Variants in RETREG1 observed in about 807,000 individuals in gnomAD.
The protein encoded by RETREG1 is reticulophagy regulator 1.
Under a neutral mutation model 54.8 loss-of-function variants are expected in RETREG1, and 44 were observed. The observed-to-expected ratio is 0.80, with a 90% CI of 0.63 to 1.03. RETREG1 has a LOEUF of 1.03. Among genes scored for constraint, RETREG1 ranks in the 50% least tolerant of loss-of-function variants. The pLI is 0.00. For synonymous variants in RETREG1, 217 were observed against 238.5 expected, an observed-to-expected ratio of 0.91 and a Z score of 0.83; for missense variants, 554 against 605.1, an observed-to-expected ratio of 0.92 and a Z score of 0.89.
At chr5:16,577,037 G>GCACA (rs68174462) in intron 1 of RETREG1, among the ~76,000 whole-genome samples, 43,718 of 150,594 alleles carry the variant, frequency 0.29, 6,303 homozygotes, top group South Asian at 0.42. Flanking sequence ...TTGTGTGCAC[G>GCACA]CACACACACA....
At position 16,565,711 on chromosome 5, in the gene RETREG1, C is replaced by A; in HGVS notation, c.458+52G>T. Reference sequence around the variant, plus strand: ...AGAGCTACATCTTGGTGGCTCAGTCCCCTCCCTCACCCTCCCTCCATTAAG... The same window carrying A: ...AGAGCTACATCTTGGTGGCTCAGTCACCTCCCTCACCCTCCCTCCATTAAG... On this transcript the variant is annotated intron_variant, in intron 3 of 8. Transcript: ENST00000306320. 8 of 1,535,248 alleles carry A rather than the reference C, an allele frequency of 5.2e-6. No homozygotes were observed. The Admixed American group carries it at 5.2e-5, about 10-fold the overall frequency.
intron 3 of RETREG1, among the ~76,000 whole-genome samples, chr5:16,497,674 C>G (rs1454211452): frequency 6.6e-6 from 1 of 151,994 alleles, no homozygotes; most frequent in African/African-American, 2.4e-5. Flanking sequence ...AGATTATCAC[C>G]CTCTGTCCTC....
chr5:16,565,313 C>T (rs944549336), intron 3 of RETREG1, among the ~76,000 whole-genome samples: 3 of 152,216 alleles, frequency 2.0e-5, no homozygotes, highest in African/African-American at 7.2e-5. Context: ...CACAGCCTCT[C>T]ACCCTATCTC....
At chr5:16,596,028 A>T (rs1288641849) in intron 1 of RETREG1, among the ~76,000 whole-genome samples, 1 of 152,200 alleles carries the variant, frequency 6.6e-6, no homozygotes, top group East Asian at 1.9e-4. Context: ...TAGTTTAAAA[A>T]AGAGGTCAGG....
intron 1 of RETREG1, among the ~76,000 whole-genome samples, chr5:16,610,499 A>T (rs1014948723): frequency 6.6e-6 from 1 of 152,210 alleles, no homozygotes; most frequent in Non-Finnish European, 1.5e-5. Context: ...AATTTTTGCA[A>T]TCTACTCATC....
At chr5:16,522,469 G>A (rs1273425613) in intron 3 of RETREG1, among the ~76,000 whole-genome samples, 7 of 152,004 alleles carry the variant, frequency 4.6e-5, no homozygotes, top group Admixed American at 4.6e-4. Context: ...CTTCTATCGG[G>A]GTATGAGCAA....
intron 3 of RETREG1, among the ~76,000 whole-genome samples, chr5:16,497,836 G>C (rs889800797): frequency 6.6e-6 from 1 of 152,142 alleles, no homozygotes; most frequent in Admixed American, 6.5e-5. Context: ...GTTGGCATGA[G>C]AGAATGAAGT....
Position 16,616,949 on chromosome 5 carries a change from T to G in RETREG1, c.23A>C (p.Glu8Ala), listed in dbSNP as rs571527296. ...AGCCGGGCATCCCTCCTCGGCGTGC[T>G]CCGGAGGCGCCGGGCTCGCCATCTT... MASPAPPEHAEEGCPAPA... is the reference protein window; with the variant it reads MASPAPPAHAEEGCPAPA... Residue 8 changes from glutamate (E) to alanine (A), a missense_variant, in exon 1 of 9, where the codon GAG (glutamate) becomes GCG (alanine). Glu to Ala is a moderately radical substitution (Grantham distance 107). Around this residue, in one of 4 missense-constraint regions of RETREG1, gnomAD observed 175 missense variants for 142.1 expected, o/e 1.23. Transcript: ENST00000306320. 2 of 1,447,942 alleles carry G rather than the reference T, an allele frequency of 1.4e-6. No homozygotes were observed. Among genetic ancestry groups the G allele is most frequent in the South Asian group, 1.4e-5 (1 of 73,684 alleles). 89.7% of individuals were successfully genotyped at this position (1,447,942 alleles called of 1,614,324 possible).
chr5:16,584,006 T>C (rs900470453), intron 1 of RETREG1, among the ~76,000 whole-genome samples: 1 of 152,208 alleles, frequency 6.6e-6, no homozygotes, highest in African/African-American at 2.4e-5. Context: ...CTGGATGGAA[T>C]TGGAGACCAT....
intron 1 of RETREG1, among the ~76,000 whole-genome samples, chr5:16,604,046 G>A (rs1329211906): frequency 6.6e-6 from 1 of 152,132 alleles, no homozygotes; most frequent in African/African-American, 2.4e-5. Context: ...AATTTTACTT[G>A]GAAAAATAAA....
At chr5:16,529,480 T>G (rs1411281605) in intron 3 of RETREG1, among the ~76,000 whole-genome samples, 1 of 152,198 alleles carries the variant, frequency 6.6e-6, no homozygotes, top group African/African-American at 2.4e-5. Flanking sequence ...GAAATTGCCC[T>G]GCCACATGGG....
At chr5:16,591,915 C>T (rs777897068) in intron 1 of RETREG1, among the ~76,000 whole-genome samples, 4 of 152,178 alleles carry the variant, frequency 2.6e-5, no homozygotes, top group Non-Finnish European at 5.9e-5. Context: ...AGTGCCACAG[C>T]GTCTGTGTTT....
At chr5:16,508,977 C>T in intron 3 of RETREG1, 20 of 1,047,526 alleles carry the variant, frequency 1.9e-5, no homozygotes, top group Non-Finnish European at 2.3e-5. Context: ...TGTCCCCGCT[C>T]AGCCAGTAAC....
chr5:16,543,539 G>C (rs1011298620), intron 3 of RETREG1, among the ~76,000 whole-genome samples: 4 of 152,034 alleles, frequency 2.6e-5, no homozygotes, highest in Non-Finnish European at 4.4e-5. Context: ...AGCCGGGTAT[G>C]GTGGTGCACG....
intron 3 of RETREG1, among the ~76,000 whole-genome samples, chr5:16,544,239 G>C (rs901286785): frequency 6.6e-6 from 1 of 152,160 alleles, no homozygotes; most frequent in African/African-American, 2.4e-5. Context: ...GCCTCCCAAA[G>C]TGCCGGGATC....
At chr5:16,525,772 G>A (rs2596385) in intron 3 of RETREG1, among the ~76,000 whole-genome samples, 20,921 of 151,162 alleles carry the variant, frequency 0.14, 1,703 homozygotes, top group African/African-American at 0.22. Flanking sequence ...ACACAGAGAG[G>A]GAGAGAGAGA....
At chr5:16,554,267 C>T (rs996206872) in intron 3 of RETREG1, among the ~76,000 whole-genome samples, 6 of 152,248 alleles carry the variant, frequency 3.9e-5, no homozygotes, top group Admixed American at 2.6e-4. Flanking sequence ...GCTGGAACCT[C>T]TCCGTTGAGC....
At chr5:16,515,677 A>G (rs551187825) in intron 3 of RETREG1, among the ~76,000 whole-genome samples, 5 of 152,324 alleles carry the variant, frequency 3.3e-5, no homozygotes, top group African/African-American at 1.2e-4. Context: ...GCAGCAAAGT[A>G]CATCCATTTT....
At chr5:16,550,561 G>A (rs544934434) in intron 3 of RETREG1, among the ~76,000 whole-genome samples, 2 of 152,310 alleles carry the variant, frequency 1.3e-5, no homozygotes, top group Non-Finnish European at 2.9e-5. Context: ...CTGCCAGGCT[G>A]CATGCAGAAA....
Sources: gnomAD v4.1 joint callset for allele counts (sites outside exome capture counted in the v4.1 genomes callset) on GRCh38, gnomAD v4.1.1 for gene constraint, gnomAD v4.1.1 regional missense constraint, MANE v1.5 for transcripts, NCBI Gene and HGNC (gene_info 2026-07-23, HGNC 2026-07-21) for gene names.